PCNX2: variants seen among roughly 807,000 people sequenced by gnomAD.
The protein encoded by PCNX2 is pecanex 2.
A neutral mutation model predicts 223.8 loss-of-function variants in PCNX2; 168 were observed. The observed-to-expected ratio is 0.75, with a 90% CI of 0.66 to 0.85. PCNX2 has a LOEUF of 0.85. PCNX2 is among the 40% of genes least tolerant of loss of function. PCNX2 has a pLI of 0.00. For missense variants in PCNX2, 2,507 were observed against 2,675.5 expected (o/e 0.94, Z 1.39); for synonymous variants, 1,006 against 1,052.6 (o/e 0.96, Z 0.86).
chr1:232,989,141 G>A (rs575410813), intron 32 of PCNX2, among the ~76,000 whole-genome samples: 60 of 152,002 alleles, frequency 3.9e-4, no homozygotes, highest in Middle Eastern at 6.8e-3. Flanking sequence ...GTTAGAATTT[G>A]TTTCAAATTC....
At chr1:233,109,241 G>A (rs1044398711) in intron 21 of PCNX2, among the ~76,000 whole-genome samples, 1 of 152,074 alleles carries the variant, frequency 6.6e-6, no homozygotes, top group Non-Finnish European at 1.5e-5. Context: ...AGTCTCTATG[G>A]GCCTCCACAG....
intron 25 of PCNX2, among the ~76,000 whole-genome samples, chr1:233,052,198 T>G (rs1194981229): frequency 1.3e-5 from 2 of 152,176 alleles, no homozygotes; most frequent in Admixed American, 1.3e-4. Flanking sequence ...TCGTAAACAT[T>G]TATTTAGGAA....
At chr1:233,015,494 C>A (rs1670622411) in intron 27 of PCNX2, among the ~76,000 whole-genome samples, 1 of 152,032 alleles carries the variant, frequency 6.6e-6, no homozygotes, top group African/African-American at 2.4e-5. Flanking sequence ...AGGTCAGGAG[C>A]TTGAGACCAG....
chr1:233,084,173 C>T (rs1558215248), intron 23 of PCNX2, among the ~76,000 whole-genome samples: 3 of 152,260 alleles, frequency 2.0e-5, no homozygotes, highest in East Asian at 3.9e-4. Flanking sequence ...CCTAACCGAG[C>T]GTATGTGCTG....
intron 22 of PCNX2, among the ~76,000 whole-genome samples, chr1:233,094,551 A>G (rs1329386337): frequency 6.6e-6 from 1 of 152,220 alleles, no homozygotes; most frequent in African/African-American, 2.4e-5. Context: ...CACTCTTCGT[A>G]TGCTTAACAT....
chr1:233,149,895 T>TATAC (rs1677694329), intron 19 of PCNX2, among the ~76,000 whole-genome samples: 1 of 150,800 alleles, frequency 6.6e-6, no homozygotes, highest in African/African-American at 2.4e-5. Context: ...AATTTATATA[T>TATAC]ATATAAATTT....
At chr1:233,119,445 C>T (rs1194840238) in intron 21 of PCNX2, among the ~76,000 whole-genome samples, 9 of 122,492 alleles carry the variant, frequency 7.3e-5, no homozygotes, top group Non-Finnish European at 1.0e-4. Flanking sequence ...AATTGCCGGG[C>T]GTGGTGGTGG....
At chr1:233,144,076 G>T (rs1000074870) in intron 19 of PCNX2, among the ~76,000 whole-genome samples, 1 of 152,078 alleles carries the variant, frequency 6.6e-6, no homozygotes, top group Non-Finnish European at 1.5e-5. Flanking sequence ...AGCTACTTGG[G>T]AGGCTGAAGT....
At chr1:233,246,072 T>C (rs1659099562) in intron 8 of PCNX2, among the ~76,000 whole-genome samples, 2 of 152,214 alleles carry the variant, frequency 1.3e-5, no homozygotes. Flanking sequence ...TAGACTAACA[T>C]AGCAGCAGCC....
chr1:233,000,771 T>G lies in PCNX2; in HGVS notation c.5098-236A>C, dbSNP rs535749866. Among the ~76,000 whole-genome samples, 23 of 152,324 alleles carry G rather than the reference T, an allele frequency of 1.5e-4. No individual in the cohort carries two copies. The East Asian group carries it at 4.4e-3, about 29-fold the overall frequency. ...TTCATGGCTTAGGTTCCTCTGACCT[T>G]TAGATATAGTTTTAGATATAGGTTG... On this transcript the variant is annotated intron_variant, in intron 29 of 33. Transcript: ENST00000258229. The surrounding 1 kb of genome is among the most constrained non-coding windows in gnomAD (Gnocchi z 4.6).
In PCNX2 at chr1:233,263,185, G is replaced by GC. The variant is rs5781734; in HGVS notation, c.154-23_154-22insG. On this transcript the variant is annotated intron_variant, in intron 1 of 33. Transcript: ENST00000258229. ...AAGCCTGAAGAAAGGAAAAGACAGAGAAAAATCATTTGCTTTTAAGATTTT... is the reference window on the plus strand; with the variant it reads ...AAGCCTGAAGAAAGGAAAAGACAGAGCAAAAATCATTTGCTTTTAAGATTTT... 0.32 allele frequency: 493,547 copies of GC among 1,546,536 alleles called. 80,796 individuals carry two copies. Among genetic ancestry groups the GC allele is most frequent in the South Asian group, 0.43 (36,138 of 84,192 alleles).
chr1:233,096,331 A>C (rs994194242), intron 21 of PCNX2, among the ~76,000 whole-genome samples: 1 of 152,224 alleles, frequency 6.6e-6, no homozygotes, highest in Non-Finnish European at 1.5e-5. Flanking sequence ...TAGAAAGCTA[A>C]GACAGGATAT....
At chr1:233,227,465 T>A in intron 9 of PCNX2, 94 bp from the exon 10 acceptor site, 2 of 1,079,932 alleles carry the variant, frequency 1.9e-6, no homozygotes, top group East Asian at 5.5e-5. Context: ...CACACACACA[T>A]ATATATGTAC....
chr1:233,024,306 T>C (rs558501524), intron 26 of PCNX2, among the ~76,000 whole-genome samples: 285 of 152,360 alleles, frequency 1.9e-3, no homozygotes, highest in African/African-American at 6.7e-3. Flanking sequence ...TTATTTCTGC[T>C]GGACCACCTG....
At chr1:233,109,139 C>T (rs1050793167) in intron 21 of PCNX2, among the ~76,000 whole-genome samples, 2 of 152,128 alleles carry the variant, frequency 1.3e-5, no homozygotes, top group African/African-American at 2.4e-5. Context: ...GTGTCCCACT[C>T]GCCAACTAGG....
intron 1 of PCNX2, among the ~76,000 whole-genome samples, chr1:233,287,995 A>G (rs1403763758): frequency 1.3e-5 from 2 of 152,238 alleles, no homozygotes; most frequent in Non-Finnish European, 2.9e-5. Flanking sequence ...GTAACATAAT[A>G]CAATTGTAAA....
chr1:233,258,434 T>G lies in PCNX2; in HGVS notation c.1428A>C (p.Gly476=). The stretch of plus-strand genomic sequence containing the variant: ...AAGAACTGTGATCCTTGATGGCATT[T>G]CCCCCCTCCCCAGATCCGTAGCCAG... The part of the protein sequence containing the change: ...QCSGYGSGEG[G]NAIKDHSSSS... Residue 476 remains glycine (G), a synonymous_variant, in exon 5 of 34, where the codon GGA becomes GGC. Coordinates refer to ENST00000258229, the MANE Select transcript of PCNX2 (RefSeq NM_014801.4). 1 of 1,613,710 alleles carries G rather than the reference T, an allele frequency of 6.2e-7. No individual in the cohort carries two copies. The highest frequency in any genetic ancestry group is 8.5e-7 in the Non-Finnish European group (1 of 1,179,826).
At chr1:233,224,862 C>T (rs1380211137) in intron 10 of PCNX2, among the ~76,000 whole-genome samples, 2 of 152,020 alleles carry the variant, frequency 1.3e-5, no homozygotes, top group East Asian at 3.9e-4. Context: ...GAAAACCAAA[C>T]ACCACATATT....
At chr1:233,081,919 C>T (rs1673377225) in intron 23 of PCNX2, among the ~76,000 whole-genome samples, 1 of 152,094 alleles carries the variant, frequency 6.6e-6, no homozygotes, top group Admixed American at 6.5e-5. Flanking sequence ...TCTCTGGCCA[C>T]ACAGGGCTCT....
Sources: gnomAD v4.1 joint callset for allele counts (sites outside exome capture counted in the v4.1 genomes callset) on GRCh38, gnomAD v4.1.1 for gene constraint, Gnocchi (gnomAD v3.1) non-coding constraint, MANE v1.5 for transcripts, NCBI Gene and HGNC (gene_info 2026-07-23, HGNC 2026-07-21) for gene names.